The following CSMD1 variants were observed in gnomAD, a reference collection of about 807,000 sequenced individuals.
CSMD1 encodes CUB and Sushi multiple domains 1.
Under a neutral mutation model 417.5 loss-of-function variants are expected in CSMD1, and 213 were observed. That is an observed-to-expected ratio of 0.51 (90% CI 0.46 to 0.57). CSMD1 has a LOEUF of 0.57. Among genes scored for constraint, CSMD1 ranks in the 20% least tolerant of loss-of-function variants. CSMD1 has a pLI of 0.00. For missense variants in CSMD1, 6,923 were observed against 4,529.7 expected, an observed-to-expected ratio of 1.53 and a Z score of -15.17; for synonymous variants, 2,862 against 1,736.8, an observed-to-expected ratio of 1.65 and a Z score of -16.11.
intron 3 of CSMD1, among the ~76,000 whole-genome samples, chr8:4,052,068 C>T (rs530706925): frequency 1.2e-4 from 18 of 151,960 alleles, no homozygotes; most frequent in Admixed American, 2.0e-4. Context: ...CCCAAGTAGC[C>T]GGGACTAAAT....
intron 25 of CSMD1, among the ~76,000 whole-genome samples, chr8:3,298,510 A>G (rs1240653756): frequency 1.3e-5 from 2 of 152,154 alleles, no homozygotes; most frequent in African/African-American, 2.4e-5. Flanking sequence ...CTGGAGTGCA[A>G]TGGAATGATC....
At chr8:3,004,498 G>A (rs1405537825) in intron 52 of CSMD1, among the ~76,000 whole-genome samples, 1 of 152,154 alleles carries the variant, frequency 6.6e-6, no homozygotes, top group African/African-American at 2.4e-5. Context: ...AACCCAGCAG[G>A]ACTGAGAAGC....
intron 7 of CSMD1, among the ~76,000 whole-genome samples, chr8:3,619,481 A>G (rs1293279054): frequency 6.6e-6 from 1 of 152,214 alleles, no homozygotes; most frequent in Non-Finnish European, 1.5e-5. Context: ...GAAGAAATAT[A>G]TGCATCAGAC....
intron 5 of CSMD1, among the ~76,000 whole-genome samples, chr8:3,936,256 A>G (rs564741334): frequency 6.6e-6 from 1 of 152,268 alleles, no homozygotes; most frequent in Admixed American, 6.5e-5. Flanking sequence ...GGAAAGCTAC[A>G]GCAAGTTATC....
intron 3 of CSMD1, among the ~76,000 whole-genome samples, chr8:4,153,313 A>C (rs1029977963): frequency 1.3e-5 from 2 of 152,166 alleles, no homozygotes; most frequent in Non-Finnish European, 2.9e-5. Flanking sequence ...GGCTCTTCTC[A>C]CTTCCGACAT....
At chr8:4,774,703 T>A (rs1042145422) in intron 1 of CSMD1, among the ~76,000 whole-genome samples, 1 of 152,142 alleles carries the variant, frequency 6.6e-6, no homozygotes, top group Non-Finnish European at 1.5e-5. Flanking sequence ...GGGTGGATCC[T>A]TCATGAATGG....
intron 5 of CSMD1, among the ~76,000 whole-genome samples, chr8:3,868,456 G>A (rs905867146): frequency 1.3e-4 from 20 of 152,080 alleles, no homozygotes; most frequent in African/African-American, 4.8e-4. Context: ...CATGCCACCT[G>A]CATCAGCCAA....
At chr8:4,310,043 G>A (rs1351501722) in intron 3 of CSMD1, among the ~76,000 whole-genome samples, 3 of 152,082 alleles carry the variant, frequency 2.0e-5, no homozygotes, top group East Asian at 1.9e-4. Flanking sequence ...GAAGACAGAG[G>A]GTAATGGAAA....
intron 3 of CSMD1, among the ~76,000 whole-genome samples, chr8:4,415,017 G>A (rs1422773711): frequency 1.3e-5 from 2 of 152,092 alleles, no homozygotes; most frequent in African/African-American, 2.4e-5. Flanking sequence ...AGAAGCATAG[G>A]CAAGCAAAAA....
intron 5 of CSMD1, among the ~76,000 whole-genome samples, chr8:3,873,467 A>G (rs1462048535): frequency 2.0e-5 from 3 of 152,080 alleles, no homozygotes; most frequent in Admixed American, 6.6e-5. Context: ...AAAACCAAAT[A>G]CCACACGTTC....
At chr8:4,277,625 C>T (rs1275408350) in intron 3 of CSMD1, among the ~76,000 whole-genome samples, 1 of 152,178 alleles carries the variant, frequency 6.6e-6, no homozygotes, top group African/African-American at 2.4e-5. Context: ...ACTTCCCTTT[C>T]TCACAAGGAT....
chr8:3,536,353 A>C (rs1202681602), intron 10 of CSMD1, among the ~76,000 whole-genome samples: 1 of 152,212 alleles, frequency 6.6e-6, no homozygotes, highest in African/African-American at 2.4e-5. Context: ...GTTAACACTT[A>C]AGTGAGGGTG....
intron 1 of CSMD1, among the ~76,000 whole-genome samples, chr8:4,637,820 G>C (rs62486734): frequency 1.3e-5 from 2 of 151,642 alleles, no homozygotes; most frequent in African/African-American, 4.8e-5. Context: ...ACAGGCGCCC[G>C]CCACCGCGCC....
intron 1 of CSMD1, among the ~76,000 whole-genome samples, chr8:4,861,518 G>A (rs1802130289): frequency 6.6e-6 from 1 of 152,176 alleles, no homozygotes. Flanking sequence ...TGTCAAGTGA[G>A]GGGTATGGAG....
At chr8:3,838,268 G>T (rs1013871296) in intron 5 of CSMD1, among the ~76,000 whole-genome samples, 1 of 151,958 alleles carries the variant, frequency 6.6e-6, no homozygotes, top group Non-Finnish European at 1.5e-5. Flanking sequence ...GGGCATAATG[G>T]CTCACACCTG....
At chr8:3,942,356 G>T (rs928657083) in intron 5 of CSMD1, among the ~76,000 whole-genome samples, 1 of 152,114 alleles carries the variant, frequency 6.6e-6, no homozygotes, top group Non-Finnish European at 1.5e-5. Context: ...GCGCCAAAAT[G>T]GTAGAGGACG....
chr8:3,416,933 G>A (rs562613225), intron 12 of CSMD1, among the ~76,000 whole-genome samples: 1 of 152,182 alleles, frequency 6.6e-6, no homozygotes, highest in Non-Finnish European at 1.5e-5. Flanking sequence ...CTAAAATTAG[G>A]TTCACCCATA....
At chr8:4,307,104 T>C (rs1266284057) in intron 3 of CSMD1, among the ~76,000 whole-genome samples, 2 of 152,128 alleles carry the variant, frequency 1.3e-5, no homozygotes, top group Non-Finnish European at 2.9e-5. Flanking sequence ...GTTTTATCTC[T>C]ACAAGGCCGG....
intron 1 of CSMD1, chr8:4,788,600 T>A: frequency 2.7e-6 from 3 of 1,118,862 alleles, no homozygotes; most frequent in Admixed American, 4.8e-5. Context: ...AACAATGCCA[T>A]TGAAATTTTT....
Sources: allele counts gnomAD v4.1 joint callset (sites outside exome capture counted in the v4.1 genomes callset), GRCh38; gene constraint gnomAD v4.1.1; transcripts MANE v1.5; gene names NCBI Gene and HGNC (gene_info 2026-07-23, HGNC 2026-07-21).